CLSTN1: variants seen among roughly 807,000 people sequenced by gnomAD.
The protein encoded by CLSTN1 is calsyntenin 1, also known as calsyntenin-1.
Under a neutral mutation model 108.3 loss-of-function variants are expected in CLSTN1, and 28 were observed. That is an observed-to-expected ratio of 0.26 (90% CI 0.19 to 0.35). CLSTN1 has a LOEUF of 0.35. CLSTN1 is among the 10% of genes least tolerant of loss of function. CLSTN1 has a pLI of 1.00. For missense variants in CLSTN1, 1,157 were observed against 1,302.6 expected (o/e 0.89, Z 1.72); for synonymous variants, 524 against 534.9 (o/e 0.98, Z 0.28).
rs1429091457 is a variant in CLSTN1 at position 9,728,962 on chromosome 1, G to GAAAC, written c.*1542_*1545dup. On this transcript the variant is annotated 3_prime_UTR_variant, in exon 19 of 19. Transcript: ENST00000377298. The stretch of plus-strand genomic sequence containing the variant: ...TTCTTTTATGTTCTCGGCTCAAAAA[G>GAAAC]AAACAAGGGAGTGTAGGTTTAAAAC... The GAAAC allele has an allele frequency of 1.3e-5, 2 of 152,198 alleles. No homozygotes were observed. Among genetic ancestry groups the GAAAC allele is most frequent in the Non-Finnish European group, 2.9e-5 (2 of 68,036 alleles). The allele number at this position is 152,198 out of a possible 1,614,324, so 9.4% of individuals were successfully genotyped here.
chr1:9,735,430 G>A, intron 13 of CLSTN1, 37 bp downstream of exon 13: 1 of 1,613,922 alleles, frequency 6.2e-7, no homozygotes, highest in Non-Finnish European at 8.5e-7. Context: ...AAGTGTCATT[G>A]GGCAAAACAG....
Position 9,733,017 on chromosome 1 carries a change from C to T in CLSTN1, c.2427+384G>A, listed in dbSNP as rs1463306893. 2.0e-5 allele frequency among the ~76,000 whole-genome samples: 3 copies of T among 151,878 alleles called. No individual in the cohort carries two copies. The East Asian group carries it at 5.8e-4, about 29-fold the overall frequency. Reference sequence around the variant, plus strand: ...ACCAGCCTGGGCAACATAGTGAGACCTCGTCTCTAAAAATAAATAAATAAA... The same window carrying T: ...ACCAGCCTGGGCAACATAGTGAGACTTCGTCTCTAAAAATAAATAAATAAA... On this transcript the variant is annotated intron_variant, in intron 16 of 18. Transcript: ENST00000377298.
intron 1 of CLSTN1, among the ~76,000 whole-genome samples, chr1:9,789,296 C>T (rs937552820): frequency 6.6e-6 from 1 of 151,466 alleles, no homozygotes. Context: ...ATTTTCCATT[C>T]CCACCAACCG....
chr1:9,798,393 T>C (rs953992718), intron 1 of CLSTN1, among the ~76,000 whole-genome samples: 1 of 151,776 alleles, frequency 6.6e-6, no homozygotes. Context: ...CAAGGAACCA[T>C]AAAAGGAATG....
At chr1:9,805,295 T>G (rs1456581777) in intron 1 of CLSTN1, among the ~76,000 whole-genome samples, 1 of 152,196 alleles carries the variant, frequency 6.6e-6, no homozygotes, top group East Asian at 1.9e-4. Flanking sequence ...GTCCCCTAGT[T>G]GTATCTTGAC....
intron 7 of CLSTN1, among the ~76,000 whole-genome samples, chr1:9,747,166 G>A (rs924344641): frequency 7.8e-5 from 10 of 128,110 alleles, no homozygotes; most frequent in African/African-American, 2.1e-4. Flanking sequence ...GCGACAGAGG[G>A]AGACTGTCTC....
At chr1:9,814,100 T>C (rs12096905) in intron 1 of CLSTN1, among the ~76,000 whole-genome samples, 7,030 of 148,446 alleles carry the variant, frequency 0.047, 520 homozygotes, top group African/African-American at 0.16. Flanking sequence ...AGACACTGTC[T>C]CAAAAAAAAA....
At chr1:9,762,924 C>G (rs1652153342) in intron 2 of CLSTN1, among the ~76,000 whole-genome samples, 1 of 152,156 alleles carries the variant, frequency 6.6e-6, no homozygotes, top group South Asian at 2.1e-4. Flanking sequence ...GGAATGAGCT[C>G]ATACGTGTCT....
intron 4 of CLSTN1, among the ~76,000 whole-genome samples, chr1:9,754,668 C>G (rs1046876364): frequency 6.6e-6 from 1 of 152,162 alleles, no homozygotes; most frequent in Non-Finnish European, 1.5e-5. Flanking sequence ...CCAGCCTGAC[C>G]AACATGGAGA....
chr1:9,821,829 C>T (rs1655201459), intron 1 of CLSTN1, among the ~76,000 whole-genome samples: 1 of 151,940 alleles, frequency 6.6e-6, no homozygotes. Flanking sequence ...GTCTTTATTC[C>T]GAAGACTAAG....
chr1:9,773,316 G>A lies in CLSTN1; in HGVS notation c.170C>T (p.Pro57Leu). 1 of 1,614,132 alleles carries A rather than the reference G, an allele frequency of 6.2e-7. No homozygotes were observed. Among genetic ancestry groups the A allele is most frequent in the South Asian group, 1.1e-5 (1 of 91,074 alleles). ...ATCTTTATCCAGCGCGATCAGTGGG[G>A]GGTCGAGGAGCACGGTGTTGTCGTT... ...TENDNTVLLD[P>L]PLIALDKDAP... Residue 57 changes from proline (P) to leucine (L), a missense_variant, in exon 2 of 19, where the codon CCC becomes CTC. By Grantham distance (98) the Pro-to-Leu change is moderately conservative. Coordinates refer to ENST00000377298, the MANE Select transcript of CLSTN1 (RefSeq NM_001009566.3).
intron 1 of CLSTN1, among the ~76,000 whole-genome samples, chr1:9,776,047 A>T (rs887924788): frequency 1.3e-5 from 2 of 150,154 alleles, no homozygotes; most frequent in Non-Finnish European, 3.0e-5. Context: ...ATCTCAGCTC[A>T]CTGCAACCTT....
chr1:9,795,580 T>C (rs973196555), intron 1 of CLSTN1, among the ~76,000 whole-genome samples: 1 of 151,304 alleles, frequency 6.6e-6, no homozygotes, highest in Non-Finnish European at 1.5e-5. Flanking sequence ...AATAGAAGCA[T>C]AAGAGAACTA....
chr1:9,776,788 C>CTCTATCTATCTATCTATCTA lies in CLSTN1; in HGVS notation c.92-3414_92-3395dup, dbSNP rs137950862. Reference sequence around the variant, plus strand: ...ATTATCCATCCATCCACCCACCTATCTCTATCTATCTATCTATCTATCTAT... The same window carrying CTCTATCTATCTATCTATCTA: ...ATTATCCATCCATCCACCCACCTATCTCTATCTATCTATCTATCTATCTATCTATCTATCTATCTATCTAT... On this transcript the variant is annotated intron_variant, in intron 1 of 18. Transcript: ENST00000377298. 9.6e-4 allele frequency among the ~76,000 whole-genome samples: 146 copies of CTCTATCTATCTATCTATCTA among 151,868 alleles called. No homozygotes were observed. The East Asian group carries it at 0.013, about 13-fold the overall frequency.
At chr1:9,820,139 G>A (rs1655136799) in intron 1 of CLSTN1, among the ~76,000 whole-genome samples, 1 of 151,820 alleles carries the variant, frequency 6.6e-6, no homozygotes, top group South Asian at 2.1e-4. Context: ...CTCCCAAAGT[G>A]CTGGAATTAC....
chr1:9,814,401 C>A (rs1405007618), intron 1 of CLSTN1, among the ~76,000 whole-genome samples: 3 of 151,734 alleles, frequency 2.0e-5, no homozygotes, highest in Admixed American at 6.6e-5. Context: ...ATAAAAATTT[C>A]TTTGCTATAC....
At chr1:9,782,072 G>T (rs1420925567) in intron 1 of CLSTN1, among the ~76,000 whole-genome samples, 2 of 152,148 alleles carry the variant, frequency 1.3e-5, no homozygotes, top group African/African-American at 4.8e-5. Context: ...TAAAATAAGA[G>T]CATGGAAAAC....
intron 11 of CLSTN1, 148 bp from the exon 12 acceptor site, chr1:9,736,190 C>T (rs11591013): frequency 1.1e-6 from 1 of 902,578 alleles, no homozygotes; most frequent in Non-Finnish European, 1.7e-6. Context: ...GCCTTGCAAT[C>T]TACATGGAAG....
chr1:9,796,678 C>G (rs968351361), intron 1 of CLSTN1, among the ~76,000 whole-genome samples: 1 of 149,734 alleles, frequency 6.7e-6, no homozygotes, highest in Non-Finnish European at 1.5e-5. Context: ...AGCGAGACTC[C>G]GCCTCAAAAA....
Sources: gnomAD v4.1 joint callset for allele counts (sites outside exome capture counted in the v4.1 genomes callset) on GRCh38, gnomAD v4.1.1 for gene constraint, MANE v1.5 for transcripts, NCBI Gene and HGNC (gene_info 2026-07-23, HGNC 2026-07-21) for gene names.